TBC1D4: variants seen among roughly 807,000 people sequenced by gnomAD.
The protein encoded by TBC1D4 is TBC (Tre-2, BUB2, CDC16) domain-containing protein.
TBC1D4 carries 121 observed loss-of-function variants against 142.5 expected under a neutral mutation model. The observed-to-expected ratio is 0.85, with a 90% CI of 0.73 to 0.99. The LOEUF is 0.99. TBC1D4 is among the 50% of genes least tolerant of loss of function. The probability of loss-of-function intolerance (pLI) is 0.00; values close to 1 mark genes in which losing one functional copy is unlikely to be tolerated. For missense variants in TBC1D4, 1,475 were observed against 1,606.6 expected, an observed-to-expected ratio of 0.92 and a Z score of 1.40; for synonymous variants, 630 against 628.2, an observed-to-expected ratio of 1.00 and a Z score of -0.04.
chr13:75,450,861 G>A (rs1262247240), intron 1 of TBC1D4, among the ~76,000 whole-genome samples: 1 of 152,068 alleles, frequency 6.6e-6, no homozygotes, highest in Non-Finnish European at 1.5e-5. Flanking sequence ...ACTATCTAGG[G>A]CCCACTGTGA....
chr13:75,355,266 T>C, intron 4 of TBC1D4, among the ~76,000 whole-genome samples: 1 of 152,218 alleles, frequency 6.6e-6, no homozygotes, highest in East Asian at 1.9e-4. Flanking sequence ...GGATCACATG[T>C]CTAAGAAAAT....
chr13:75,303,666 T>C (rs1876830736), intron 15 of TBC1D4, among the ~76,000 whole-genome samples: 1 of 152,202 alleles, frequency 6.6e-6, no homozygotes, highest in Admixed American at 6.5e-5. Flanking sequence ...CTCTTCTGAC[T>C]GATTGCCAGA....
intron 1 of TBC1D4, among the ~76,000 whole-genome samples, chr13:75,406,241 GC>G (rs1369219927): frequency 6.6e-6 from 1 of 152,120 alleles, no homozygotes; most frequent in South Asian, 2.1e-4. Flanking sequence ...AAAACACTTA[GC>G]CTCTTCACTG....
chr13:75,309,526 A>G (rs1375794790), intron 14 of TBC1D4, among the ~76,000 whole-genome samples: 1 of 152,188 alleles, frequency 6.6e-6, no homozygotes, highest in Non-Finnish European at 1.5e-5. Flanking sequence ...TATGAATGTA[A>G]TTAACCTGAA....
chr13:75,304,070 G>A (rs9593061), intron 15 of TBC1D4, among the ~76,000 whole-genome samples: 6 of 152,004 alleles, frequency 3.9e-5, no homozygotes, highest in South Asian at 2.1e-4. Flanking sequence ...CTCTTTTCCC[G>A]GCTTAAATGG....
At chr13:75,474,646 CTTTT>C (rs71127545) in intron 1 of TBC1D4, among the ~76,000 whole-genome samples, 7 of 146,594 alleles carry the variant, frequency 4.8e-5, no homozygotes, top group Admixed American at 1.3e-4. Flanking sequence ...ATAATTTAAC[CTTTT>C]TTTTTTTTTT....
intron 1 of TBC1D4, among the ~76,000 whole-genome samples, chr13:75,450,505 TAGAA>T (rs1229232870): frequency 1.3e-5 from 2 of 152,172 alleles, no homozygotes; most frequent in Non-Finnish European, 2.9e-5. Flanking sequence ...AAATTTCAAA[TAGAA>T]AGGACGAAAT....
chr13:75,295,221 A>G (rs1328693282), intron 17 of TBC1D4, among the ~76,000 whole-genome samples: 1 of 152,220 alleles, frequency 6.6e-6, no homozygotes, highest in African/African-American at 2.4e-5. Flanking sequence ...CTATCTAAGA[A>G]GACTGAGCAA....
intron 1 of TBC1D4, among the ~76,000 whole-genome samples, chr13:75,422,727 T>G (rs896454197): frequency 1.3e-5 from 2 of 152,196 alleles, no homozygotes; most frequent in Non-Finnish European, 2.9e-5. Context: ...ACCTTTTTCC[T>G]AGTAAAACTG....
chr13:75,402,654 AACACACACACACACACAC>A (rs56176942), intron 1 of TBC1D4, among the ~76,000 whole-genome samples: 4 of 142,456 alleles, frequency 2.8e-5, no homozygotes, highest in African/African-American at 7.7e-5. Context: ...ATCCCTAGTA[AACACACACACACACACAC>A]ACACACACAC....
chr13:75,329,726 C>T (rs1879588599), intron 8 of TBC1D4, among the ~76,000 whole-genome samples: 1 of 152,188 alleles, frequency 6.6e-6, no homozygotes, highest in African/African-American at 2.4e-5. Flanking sequence ...AAAAAATGTA[C>T]ATGTCCATAA....
rs1880285262 is a variant in TBC1D4, at chr13:75,337,039, G to T, written c.1613C>A (p.Thr538Asn). ...THVHIGEGPS[T>N]ISNSTIPENA... Reference sequence around the variant, plus strand: ...TTCTGGGATTGTACTATTTGAAATAGTCTAAAAAAAGAAAAACAGATACAT... The same window carrying T: ...TTCTGGGATTGTACTATTTGAAATATTCTAAAAAAAGAAAAACAGATACAT... Residue 538 changes from threonine to asparagine, a missense_variant and splice_region_variant, in exon 8 of 21, where the codon ACT becomes AAT. Thr to Asn is a moderately conservative substitution (Grantham distance 65). Around this residue, in one of 2 missense-constraint regions of TBC1D4, gnomAD observed 1,227 missense variants for 1,267.7 expected, o/e 0.97. Coordinates refer to ENST00000377636, the MANE Select transcript of TBC1D4 (RefSeq NM_014832.5). 6.2e-7 allele frequency: 1 copy of T among 1,611,466 alleles called. No individual in the cohort carries two copies. Among genetic ancestry groups the T allele is most frequent in the Admixed American group, 1.7e-5 (1 of 59,868 alleles).
intron 6 of TBC1D4, 112 bp downstream of exon 6, chr13:75,341,384 C>G: frequency 3.2e-6 from 4 of 1,245,004 alleles, no homozygotes; most frequent in Non-Finnish European, 4.7e-6. Flanking sequence ...CAGTAGTACT[C>G]TAGGTCATGC....
At chr13:75,291,957 A>C in intron 19 of TBC1D4, 145 bp downstream of exon 19, 1 of 721,594 alleles carries the variant, frequency 1.4e-6, no homozygotes, top group Non-Finnish European at 2.2e-6. Flanking sequence ...GTCACAGTGT[A>C]GAAATTTCAC....
At chr13:75,433,715 T>G (rs1886680596) in intron 1 of TBC1D4, among the ~76,000 whole-genome samples, 1 of 152,116 alleles carries the variant, frequency 6.6e-6, no homozygotes, top group South Asian at 2.1e-4. Flanking sequence ...AAAGAAACTA[T>G]CAACAGTAAA....
chr13:75,355,371 A>G (rs185752962), intron 4 of TBC1D4, among the ~76,000 whole-genome samples: 195 of 152,342 alleles, frequency 1.3e-3, no homozygotes, highest in African/African-American at 4.4e-3. Context: ...AAGAATGAGT[A>G]AAAACTTTGA....
chr13:75,372,850 T>C (rs1216785482), intron 1 of TBC1D4, among the ~76,000 whole-genome samples: 1 of 152,180 alleles, frequency 6.6e-6, no homozygotes, highest in African/African-American at 2.4e-5. Context: ...CTGAAAAAAT[T>C]TGAATACAGC....
At chr13:75,367,546 A>T (rs1278701217) in intron 1 of TBC1D4, among the ~76,000 whole-genome samples, 1 of 152,118 alleles carries the variant, frequency 6.6e-6, no homozygotes, top group African/African-American at 2.4e-5. Context: ...AAGTTGAGGA[A>T]AAACATTAGG....
chr13:75,296,197 GAGTCAA>G (rs1875901720), intron 17 of TBC1D4, among the ~76,000 whole-genome samples: 1 of 151,748 alleles, frequency 6.6e-6, no homozygotes, highest in Admixed American at 6.6e-5. Context: ...AGCTTAGCTG[GAGTCAA>G]AGTTTTTTTT....
Sources: allele counts gnomAD v4.1 joint callset (sites outside exome capture counted in the v4.1 genomes callset), GRCh38; gene constraint gnomAD v4.1.1; regional missense constraint gnomAD v4.1.1; transcripts MANE v1.5; gene names NCBI Gene and HGNC (gene_info 2026-07-23, HGNC 2026-07-21).